Variants in PTRH1 observed in about 807,000 individuals in gnomAD.
PTRH1 encodes the protein peptidyl-tRNA hydrolase.
In PTRH1, 13 loss-of-function variants were observed where a neutral mutation model predicts 15.7. The observed-to-expected ratio is 0.83, with a 90% CI of 0.54 to 1.31. The LOEUF (loss-of-function observed/expected upper bound fraction) is 1.31, where lower values mean the gene tolerates loss of function less well. Ranked by LOEUF, PTRH1 falls within the 40% of genes most tolerant of loss-of-function variation. PTRH1 has a pLI of 0.00. For synonymous variants in PTRH1, 139 were observed against 136.7 expected, an observed-to-expected ratio of 1.02 and a Z score of -0.12; for missense variants, 319 against 296.2, an observed-to-expected ratio of 1.08 and a Z score of -0.56.
rs752289193 is a variant in PTRH1, at chr9:127,707,124, G to A, written c.205+8311C>T. On this transcript the variant is annotated intron_variant, in intron 1 of 2. Coordinates refer to the PTRH1 transcript ENST00000335223. ...AGGAGCCGGTGGTGGCCGTGGAGCC[G>A]CCTCTGGCCAAGGAGATGAAGGAGT... 8.7e-6 allele frequency: 14 copies of A among 1,613,560 alleles called. No homozygotes were observed. In the Admixed American group the frequency reaches 1.7e-4, roughly 19 times the overall value.
chr9:127,706,989 C>T, intron 1 of PTRH1: 2 of 1,606,944 alleles, frequency 1.2e-6, no homozygotes, highest in Non-Finnish European at 8.5e-7. Context: ...TTAGCAACCA[C>T]CTGGCCTCTT....
At chr9:127,699,360 A>G (rs1392575611) in intron 1 of PTRH1, among the ~76,000 whole-genome samples, 1 of 152,230 alleles carries the variant, frequency 6.6e-6, no homozygotes, top group Non-Finnish European at 1.5e-5. Flanking sequence ...TGAGCAAGGA[A>G]AAGGCCGACA....
chr9:127,696,472 A>C (rs1263656266), intron 1 of PTRH1, among the ~76,000 whole-genome samples: 1 of 152,244 alleles, frequency 6.6e-6, no homozygotes, highest in African/African-American at 2.4e-5. Flanking sequence ...AACCACATAG[A>C]GACAAAGCAA....
At chr9:127,710,599 A>C (rs1403470017), downstream of PTRH1, 3 of 1,578,474 alleles carry the variant, frequency 1.9e-6, no homozygotes, top group Non-Finnish European at 1.7e-6. Flanking sequence ...TGTGGCGGCC[A>C]GGGGGGAAGC....
chr9:127,696,564 G>A (rs1430329732), intron 1 of PTRH1, among the ~76,000 whole-genome samples: 1 of 152,050 alleles, frequency 6.6e-6, no homozygotes, highest in Admixed American at 6.5e-5. Context: ...TCCACTATCA[G>A]AAAAACATTA....
At chr9:127,712,835 C>A (rs746718039), downstream of PTRH1, 16 of 1,613,670 alleles carry the variant, frequency 9.9e-6, no homozygotes, top group Non-Finnish European at 1.4e-5. Flanking sequence ...GGCTGCGTGT[C>A]CCCACCAGGA....
At chr9:127,694,516 C>A (rs995223321) in intron 2 of PTRH1, among the ~76,000 whole-genome samples, 1 of 152,136 alleles carries the variant, frequency 6.6e-6, no homozygotes, top group Non-Finnish European at 1.5e-5. Flanking sequence ...TCTTTAGGTT[C>A]TTGGCCAAAG....
chr9:127,713,239 G>T (rs768312769), downstream of PTRH1: 1 of 1,473,918 alleles, frequency 6.8e-7, no homozygotes, highest in South Asian at 1.4e-5. Flanking sequence ...GGAAAGCAAG[G>T]TGGCAGCTAG....
intron 1 of PTRH1, among the ~76,000 whole-genome samples, chr9:127,708,203 G>A (rs1196692057): frequency 6.6e-6 from 1 of 152,184 alleles, no homozygotes; most frequent in African/African-American, 2.4e-5. Flanking sequence ...TCCAGGCCAG[G>A]CACAGTGGCT....
downstream of PTRH1, chr9:127,711,632 G>A: frequency 8.2e-7 from 1 of 1,214,772 alleles, no homozygotes; most frequent in Non-Finnish European, 1.1e-6. Flanking sequence ...GGCCTCCTGT[G>A]GGGGCTGCAG....
chr9:127,698,000 C>T (rs1350697884), intron 1 of PTRH1, among the ~76,000 whole-genome samples: 1 of 152,178 alleles, frequency 6.6e-6, no homozygotes, highest in Admixed American at 6.5e-5. Flanking sequence ...GTGAAAAAGG[C>T]AGTCTCAGAG....
At chr9:127,700,575 G>A (rs550903201) in intron 1 of PTRH1, among the ~76,000 whole-genome samples, 13 of 152,108 alleles carry the variant, frequency 8.5e-5, no homozygotes, top group Non-Finnish European at 1.6e-4. Context: ...AACAACAACC[G>A]ACCAGCATTC....
Position 127,715,153 on chromosome 9 carries a change from G to A in PTRH1, c.138C>T (p.His46=), listed in dbSNP as rs1263484450. 5.2e-6 allele frequency: 8 copies of A among 1,536,024 alleles called. No homozygotes were observed. In the South Asian group the frequency reaches 8.3e-5, roughly 16 times the overall value. ...GCCCCAGCACCGCCATGCCCACGCT[G>A]TGTCGCGTGCCGGGCAGTCCGGGAT... The part of the protein sequence containing the change: ...LGNPGLPGTR[H]SVGMAVLGQL... Residue 46 remains histidine, a synonymous_variant, in exon 2 of 5, where the codon CAC becomes CAT. Transcript: ENST00000543175. This position sits in a 1 kb window ranked among gnomAD's most constrained non-coding sequence, Gnocchi z 5.8.
chr9:127,713,837 C>G lies in PTRH1; in HGVS notation c.*263G>C, dbSNP rs752171285. 6.2e-7 allele frequency: 1 copy of G among 1,613,594 alleles called. No homozygotes were observed. The highest frequency in any genetic ancestry group is 1.1e-5 in the South Asian group (1 of 91,056). ...GCCAGCATCTTTAATCTTACAGATG[C>G]GTGCCCCTGGTTCTCTAAAAAGGCT... On this transcript the variant is annotated 3_prime_UTR_variant, in exon 5 of 5. Transcript: ENST00000543175.
chr9:127,713,396 C>T (rs1279481237), downstream of PTRH1: 1 of 518,154 alleles, frequency 1.9e-6, no homozygotes, highest in Admixed American at 3.7e-5. Context: ...CACACATGCC[C>T]TGGGAGGGGG....
chr9:127,714,611 GC>G lies in PTRH1; in HGVS notation c.407del (p.Gly136AlafsTer63). On this transcript the variant is annotated frameshift_variant, in exon 3 of 5. Coordinates refer to ENST00000543175, the MANE Select transcript of PTRH1 (RefSeq NM_001002913.3). LOFTEE classifies it high-confidence loss of function. ...CCATCTCAGGACCTCACCTGGCACT[GC>G]CCCCCAGCTTCAGAGCCAGTCTCCC... ...PLGRLALKLG[G>X]SARGHNGVRS... 1 of 1,613,564 alleles carries G rather than the reference GC, an allele frequency of 6.2e-7. No homozygotes were observed. The highest frequency in any genetic ancestry group is 1.7e-5 in the Admixed American group (1 of 59,984).
intron 1 of PTRH1, among the ~76,000 whole-genome samples, chr9:127,702,230 A>G (rs374738925): frequency 5.3e-5 from 8 of 151,084 alleles, no homozygotes; most frequent in Admixed American, 5.3e-4. Flanking sequence ...AAAATTAGGC[A>G]GGCATGGTGA....
chr9:127,713,803 G>C, downstream of PTRH1: 2 of 1,600,222 alleles, frequency 1.2e-6, no homozygotes, highest in South Asian at 1.1e-5. Context: ...CACTGCACCC[G>C]GCCTCCAAGC....
At chr9:127,710,809 G>A (rs1317896276), downstream of PTRH1, 8 of 1,537,938 alleles carry the variant, frequency 5.2e-6, no homozygotes, top group South Asian at 6.0e-5. Flanking sequence ...CTGGGGCTAC[G>A]AACATCCTAG....
Sources: gnomAD v4.1 joint callset for allele counts (sites outside exome capture counted in the v4.1 genomes callset) on GRCh38, gnomAD v4.1.1 for gene constraint, Gnocchi (gnomAD v3.1) non-coding constraint, MANE v1.5 for transcripts, NCBI Gene and HGNC (gene_info 2026-07-23, HGNC 2026-07-21) for gene names.